The following PLAG1 variants were observed in gnomAD, a reference collection of about 807,000 sequenced individuals.
PLAG1 encodes zinc finger protein PLAG1.
PLAG1 carries 7 observed loss-of-function variants against 35.5 expected under a neutral mutation model. The ratio of observed to expected loss-of-function variants is 0.20; its 90% confidence interval spans 0.11 to 0.37. The LOEUF (loss-of-function observed/expected upper bound fraction) is 0.37, where lower values mean the gene tolerates loss of function less well. Among genes scored for constraint, PLAG1 ranks in the 10% least tolerant of loss-of-function variants. The pLI is 1.00. For synonymous variants in PLAG1, 229 were observed against 225.4 expected, an observed-to-expected ratio of 1.02 and a Z score of -0.14; for missense variants, 454 against 602.8, an observed-to-expected ratio of 0.75 and a Z score of 2.58.
At chr8:56,176,548 A>G (rs1360790384) in intron 2 of PLAG1, among the ~76,000 whole-genome samples, 1 of 152,238 alleles carries the variant, frequency 6.6e-6, no homozygotes, top group East Asian at 1.9e-4. Context: ...AGGAAATGAA[A>G]AAGAAATTGT....
At chr8:56,186,435 A>C (rs536120363) in intron 1 of PLAG1, among the ~76,000 whole-genome samples, 7 of 151,646 alleles carry the variant, frequency 4.6e-5, no homozygotes, top group Non-Finnish European at 1.0e-4. Context: ...GCAGTGGTGC[A>C]ATCTTGGCTC....
intron 3 of PLAG1, 63 bp from the exon 4 acceptor site, chr8:56,168,449 G>T: frequency 1.5e-6 from 1 of 653,022 alleles, no homozygotes; most frequent in Non-Finnish European, 2.3e-6. Context: ...AATTTTATTT[G>T]CTATGTGATG....
intron 3 of PLAG1, among the ~76,000 whole-genome samples, chr8:56,169,704 G>T (rs954485933): frequency 3.3e-5 from 5 of 152,078 alleles, no homozygotes; most frequent in Admixed American, 6.6e-5. Flanking sequence ...ATTATGCCTG[G>T]CTAATTATTT....
chr8:56,164,134 T>A lies in PLAG1; in HGVS notation c.*2109A>T, dbSNP rs569831572. ...TTAAAAATGTACTTCCTTATTAACA[T>A]ATATAATTTTAATGCCTTTGGAACA... On this transcript the variant is annotated 3_prime_UTR_variant, in exon 5 of 5. Transcript: ENST00000316981. The A allele has an allele frequency of 3.6e-4, 67 of 187,292 alleles. No individual in the cohort carries two copies. The East Asian group carries it at 5.5e-3, about 15-fold the overall frequency. The allele number at this position is 187,292 out of a possible 1,614,324, so 11.6% of individuals were successfully genotyped here. A position where few individuals can be genotyped will look rare whatever the true frequency, so the allele number is the denominator to read the frequency against.
intron 1 of PLAG1, among the ~76,000 whole-genome samples, chr8:56,207,794 T>A (rs1302424158): frequency 6.6e-6 from 1 of 152,150 alleles, no homozygotes; most frequent in Non-Finnish European, 1.5e-5. Flanking sequence ...AAAAGCTCAG[T>A]ACAATCACTT....
Position 56,167,496 on chromosome 8 carries a change from C to A in PLAG1, c.250G>T (p.Ala84Ser). Residue 84 changes from alanine to serine, a missense_variant, in exon 5 of 5, where the codon GCT (alanine) becomes TCT (serine). By Grantham distance (99) the Ala-to-Ser change is moderately conservative (BLOSUM62 1). Around this residue, in one of 4 missense-constraint regions of PLAG1, gnomAD observed 170 missense variants for 226.3 expected, o/e 0.75. Coordinates refer to ENST00000316981, the MANE Select transcript of PLAG1 (RefSeq NM_002655.3). This position sits in a 1 kb window ranked among gnomAD's most constrained non-coding sequence, Gnocchi z 5.9. ...TGGGTTTTCTCAGGAGAATGAGTAG[C>A]CATGTGCCTTTAAACACAGATATAA... The part of the protein sequence containing the change: ...VSKYKLQRHM[A>S]THSPEKTHKC... 1.2e-6 allele frequency: 2 copies of A among 1,602,382 alleles called. No homozygotes were observed. The highest frequency in any genetic ancestry group is 1.7e-6 in the Non-Finnish European group (2 of 1,171,872).
At position 56,170,480 on chromosome 8, in the gene PLAG1, C is replaced by T. The variant is rs112221404; in HGVS notation, c.-118+611G>A. On this transcript the variant is annotated intron_variant, in intron 3 of 4. Coordinates refer to ENST00000316981, the MANE Select transcript of PLAG1 (RefSeq NM_002655.3). ...CATTCTACCAAGGCAGGAAACAAAC[C>T]TTAATTTTCATTATTTGATTTCCTA... 1.3e-3 allele frequency among the ~76,000 whole-genome samples: 202 copies of T among 152,292 alleles called. 1 individual carries two copies. In the Middle Eastern group the frequency reaches 0.034, roughly 26 times the overall value.
intron 1 of PLAG1, among the ~76,000 whole-genome samples, chr8:56,194,926 G>T (rs556665520): frequency 6.6e-6 from 1 of 152,118 alleles, no homozygotes; most frequent in Non-Finnish European, 1.5e-5. Flanking sequence ...AAGAGTGGAT[G>T]AGCCTTGGGC....
intron 2 of PLAG1, among the ~76,000 whole-genome samples, chr8:56,175,857 T>A (rs1811671531): frequency 6.6e-6 from 1 of 152,126 alleles, no homozygotes; most frequent in African/African-American, 2.4e-5. Flanking sequence ...AGCAGGATGT[T>A]CCTTTTCAGG....
chr8:56,187,762 G>A (rs1812063269), intron 1 of PLAG1, among the ~76,000 whole-genome samples: 1 of 151,852 alleles, frequency 6.6e-6, no homozygotes, highest in African/African-American at 2.4e-5. Flanking sequence ...TATATAATGA[G>A]ATTTGTATTA....
chr8:56,166,218 T>C lies in PLAG1; in HGVS notation c.*25A>G. The C allele has an allele frequency of 6.6e-7, 1 of 1,515,732 alleles. No individual in the cohort carries two copies. Among genetic ancestry groups the C allele is most frequent in the South Asian group, 1.3e-5 (1 of 76,974 alleles). 93.9% of individuals were successfully genotyped at this position (1,515,732 alleles called of 1,614,324 possible). A position where few individuals can be genotyped will look rare whatever the true frequency, so the allele number is the denominator to read the frequency against. ...TAGGGCACAGCTACACATACATTTCTGTAATGAATCCATGTCCCAGAATCC... is the reference window on the plus strand; with the variant it reads ...TAGGGCACAGCTACACATACATTTCCGTAATGAATCCATGTCCCAGAATCC... On this transcript the variant is annotated 3_prime_UTR_variant, in exon 5 of 5. Transcript: ENST00000316981.
intron 2 of PLAG1, among the ~76,000 whole-genome samples, chr8:56,177,291 T>C (rs1461572727): frequency 1.3e-5 from 2 of 152,220 alleles, no homozygotes; most frequent in African/African-American, 2.4e-5. Flanking sequence ...CTCATGTGCA[T>C]GTCCAGGATA....
rs998427765 is a variant in PLAG1 at position 56,161,773 on chromosome 8, T to C, written c.*4470A>G. The C allele has an allele frequency of 1.4e-4, 32 of 229,800 alleles. No homozygotes were observed. Among genetic ancestry groups the C allele is most frequent in the African/African-American group, 6.4e-4 (29 of 45,150 alleles). The allele number at this position is 229,800 out of a possible 1,614,324, so 14.2% of individuals were successfully genotyped here. A position where few individuals can be genotyped will look rare whatever the true frequency, so the allele number is the denominator to read the frequency against. ...TGAGACAGAGAAGTTTGTAGCACCA[T>C]GAAGAGTTGTAGCCCAAGTTACATT... is the stretch of plus-strand genomic sequence containing the variant. On this transcript the variant is annotated 3_prime_UTR_variant, in exon 5 of 5. Transcript: ENST00000316981.
In PLAG1 at chr8:56,192,927, TAACAA is replaced by T. The variant is rs540665370; in HGVS notation, c.-321-13419_-321-13415del. Among the ~76,000 whole-genome samples, 426 of 152,204 alleles carry T rather than the reference TAACAA, an allele frequency of 2.8e-3. 4 individuals carry two copies. The highest frequency in any genetic ancestry group is 9.3e-3 in the African/African-American group (385 of 41,516). ...ACAAAAGACAAAAAACCCGTTTCTT[TAACAA>T]ATGCGTTTTAAGGAAGAAAAAAAAA... On this transcript the variant is annotated intron_variant, in intron 1 of 4. Coordinates refer to ENST00000316981, the MANE Select transcript of PLAG1 (RefSeq NM_002655.3).
chr8:56,186,653 G>A (rs912039503), intron 1 of PLAG1, among the ~76,000 whole-genome samples: 9 of 150,080 alleles, frequency 6.0e-5, no homozygotes, highest in African/African-American at 1.5e-4. Flanking sequence ...GATTATAGGC[G>A]TGAGCCACCA....
intron 1 of PLAG1, among the ~76,000 whole-genome samples, chr8:56,197,281 C>T (rs766453094): frequency 9.2e-5 from 14 of 152,122 alleles, no homozygotes; most frequent in African/African-American, 2.7e-4. Context: ...GGAGTGAGTG[C>T]GTCTCCGCTC....
At chr8:56,194,520 G>A (rs1031347278) in intron 1 of PLAG1, among the ~76,000 whole-genome samples, 2 of 152,102 alleles carry the variant, frequency 1.3e-5, no homozygotes, top group African/African-American at 2.4e-5. Flanking sequence ...GAGAGACTTC[G>A]GTCATGGAGC....
At chr8:56,206,169 C>T (rs1237880881) in intron 1 of PLAG1, among the ~76,000 whole-genome samples, 1 of 151,894 alleles carries the variant, frequency 6.6e-6, no homozygotes, top group Non-Finnish European at 1.5e-5. Context: ...TCCACACCAC[C>T]ATATCCTTGT....
chr8:56,196,219 G>C (rs1342415160), intron 1 of PLAG1, among the ~76,000 whole-genome samples: 2 of 152,150 alleles, frequency 1.3e-5, no homozygotes, highest in Non-Finnish European at 2.9e-5. Context: ...CGAGGGAATG[G>C]GGATGGGCAT....
Sources: allele counts gnomAD v4.1 joint callset (sites outside exome capture counted in the v4.1 genomes callset), GRCh38; gene constraint gnomAD v4.1.1; regional missense constraint gnomAD v4.1.1; non-coding constraint Gnocchi (gnomAD v3.1); transcripts MANE v1.5; gene names NCBI Gene and HGNC (gene_info 2026-07-23, HGNC 2026-07-21).